Variants in UPF3B observed in about 807,000 individuals in gnomAD.
UPF3B encodes the protein UPF3B regulator of nonsense mediated mRNA decay.
UPF3B carries 7 observed loss-of-function variants against 40.3 expected under a neutral mutation model. That is an observed-to-expected ratio of 0.17 (90% CI 0.10 to 0.33). The LOEUF is 0.33. UPF3B is among the 10% of genes least tolerant of loss of function. The pLI, the probability that UPF3B is intolerant of heterozygous loss-of-function variation, is 1.00. For synonymous variants in UPF3B, 117 were observed against 117.3 expected (o/e 1.00, Z 0.01); for missense variants, 229 against 358.9 (o/e 0.64, Z 2.93).
intron 4 of UPF3B, 105 bp from the exon 5 acceptor site, chrX:119,843,406 T>A: frequency 3.2e-6 from 2 of 616,149 alleles, no homozygotes; most frequent in Non-Finnish European, 5.0e-6. Flanking sequence ...TTTTACTTCG[T>A]GGAAGATTAA....
At chrX:119,812,067 A>G (rs2055831543) in intron 5 of UPF3B, among the ~76,000 whole-genome samples, 1 of 111,686 alleles carries the variant, frequency 9.0e-6, no homozygotes, top group Admixed American at 9.5e-5. Flanking sequence ...CAGCCTGGCC[A>G]ACATGGTGAA....
Position 119,834,799 on chromosome X carries a change from C to T in UPF3B, c.*79G>A. 1.7e-6 allele frequency: 2 copies of T among 1,209,337 alleles called. No homozygotes were observed. The highest frequency in any genetic ancestry group is 2.2e-6 in the Non-Finnish European group (2 of 895,387). On this transcript the variant is annotated 3_prime_UTR_variant, in exon 11 of 11. Coordinates refer to ENST00000276201, the MANE Select transcript of UPF3B (RefSeq NM_080632.3). ...GCTCCCTTTCTCTCTATTCTTTGCC[C>T]TGAAGGCACCTCTGGATTGCTTAAC...
chrX:119,829,633 C>T (rs1447327216), downstream of UPF3B, among the ~76,000 whole-genome samples: 5 of 111,698 alleles, frequency 4.5e-5, no homozygotes, highest in Non-Finnish European at 9.4e-5. Context: ...TGGTTTTTCT[C>T]CTATTCTCTG....
At chrX:119,830,633 A>C (rs1478951843), downstream of UPF3B, among the ~76,000 whole-genome samples, 1 of 110,589 alleles carries the variant, frequency 9.0e-6, no homozygotes, top group Non-Finnish European at 1.9e-5. Context: ...GTGAACCATG[A>C]ATTGATCTTT....
chrX:119,825,950 A>T (rs1395114415), intron 3 of UPF3B, among the ~76,000 whole-genome samples: 1 of 110,092 alleles, frequency 9.1e-6, no homozygotes, highest in Non-Finnish European at 1.9e-5. Flanking sequence ...CTTGAGGTCC[A>T]GAGTTTGAGA....
At chrX:119,851,104 A>T (rs1284769198) in intron 3 of UPF3B, among the ~76,000 whole-genome samples, 1 of 112,630 alleles carries the variant, frequency 8.9e-6, no homozygotes, top group Non-Finnish European at 1.9e-5. Flanking sequence ...CAGTATCCCA[A>T]TTGGGAACTG....
At chrX:119,821,147 C>T (rs1249057471) in intron 4 of UPF3B, among the ~76,000 whole-genome samples, 1 of 110,954 alleles carries the variant, frequency 9.0e-6, no homozygotes, top group Non-Finnish European at 1.9e-5. Context: ...AGTGTGGCAC[C>T]TCCTTCCCAC....
At chrX:119,819,841 CCT>C (rs2055896270) in intron 4 of UPF3B, among the ~76,000 whole-genome samples, 2 of 89,493 alleles carry the variant, frequency 2.2e-5, no homozygotes, top group Non-Finnish European at 4.3e-5. Context: ...TTCTATTTTT[CCT>C]TTTTTTTTTT....
At chrX:119,840,287 G>A (rs2056146211) in intron 8 of UPF3B, among the ~76,000 whole-genome samples, 1 of 111,320 alleles carries the variant, frequency 9.0e-6, no homozygotes, top group South Asian at 3.8e-4. Flanking sequence ...AGATACTACG[G>A]GAGTCATGTG....
intron 4 of UPF3B, among the ~76,000 whole-genome samples, chrX:119,815,523 C>T (rs1232658596): frequency 9.0e-6 from 1 of 111,194 alleles, no homozygotes; most frequent in Non-Finnish European, 1.9e-5. Flanking sequence ...CCTGGTACAA[C>T]TTATTTTTCT....
intron 8 of UPF3B, among the ~76,000 whole-genome samples, chrX:119,838,853 G>A (rs919446862): frequency 3.6e-5 from 4 of 111,403 alleles, no homozygotes; most frequent in South Asian, 3.8e-4. Flanking sequence ...ATGGCTCACC[G>A]CAACCTTGAC....
In UPF3B at chrX:119,836,896, C is replaced by T. The variant is rs752722274; in HGVS notation, c.1302+861G>A. Among the ~76,000 whole-genome samples, 28 of 106,614 alleles carry T rather than the reference C, an allele frequency of 2.6e-4. No homozygotes were observed. In the East Asian group the frequency reaches 7.5e-3, roughly 28 times the overall value. The allele number at this position is 106,614 out of a possible 115,157, so 92.6% of individuals were successfully genotyped here. ...TGATCTCCTGACCTCGTGATCCACC[C>T]GTCTTGGCCTCCCAAAGTGCTGGGA... On this transcript the variant is annotated intron_variant, in intron 10 of 10. Coordinates refer to ENST00000276201, the MANE Select transcript of UPF3B (RefSeq NM_080632.3).
downstream of UPF3B, among the ~76,000 whole-genome samples, chrX:119,830,804 C>T (rs2056028674): frequency 9.0e-6 from 1 of 110,738 alleles, no homozygotes; most frequent in Admixed American, 9.7e-5. Context: ...TTCTATCCTT[C>T]CCTGTACTTG....
intron 3 of UPF3B, among the ~76,000 whole-genome samples, chrX:119,827,306 C>T (rs1403364044): frequency 9.0e-6 from 1 of 111,405 alleles, no homozygotes; most frequent in Non-Finnish European, 1.9e-5. Flanking sequence ...TGGCTAGTAT[C>T]TAGGTGCTGC....
Position 119,837,858 on chromosome X carries a change from G to A in UPF3B, c.1201C>T (p.Arg401Trp), listed in dbSNP as rs375418085. ...CTTTCAGCCTTCTTTCCTTTATCCC[G>A]AAGTGTGTCTTTCTCTTTTTTCATT... is the stretch of plus-strand genomic sequence containing the variant. ...EEMKKEKDTL[R>W]DKGKKAESTE... The change falls in exon 10 of 11, where the codon CGG (arginine) becomes TGG (tryptophan). Residue 401 changes from arginine to tryptophan, a missense_variant. Arg to Trp is a moderately radical substitution (Grantham distance 101). Coordinates refer to ENST00000276201, the MANE Select transcript of UPF3B (RefSeq NM_080632.3). 6.9e-5 allele frequency: 83 copies of A among 1,208,342 alleles called. No homozygotes were observed. The highest frequency in any genetic ancestry group is 3.7e-4 in the Admixed American group (17 of 45,504).
chrX:119,835,526 T>C (rs1453953832), intron 10 of UPF3B, among the ~76,000 whole-genome samples: 4 of 112,067 alleles, frequency 3.6e-5, no homozygotes, highest in African/African-American at 9.7e-5. Flanking sequence ...TGAGCCATCA[T>C]GCCAGGCCCT....
chrX:119,851,764 T>TTTTTTTTTTA lies in UPF3B; in HGVS notation c.263+2_263+3insTAAAAAAAAA. Reference sequence around the variant, plus strand: ...ACCCCTTTCCTTTTTTTTTTTTTTTTACCTCGTATCATTAGAAAAAAACTC... The same window carrying TTTTTTTTTTA: ...ACCCCTTTCCTTTTTTTTTTTTTTTTTTTTTTTTTAACCTCGTATCATTAGAAAAAAACTC... On this transcript the variant is annotated splice_region_variant and intron_variant, in intron 2 of 10. Coordinates refer to ENST00000276201, the MANE Select transcript of UPF3B (RefSeq NM_080632.3). The TTTTTTTTTTA allele has an allele frequency of 2.1e-6, 2 of 968,484 alleles. No homozygotes were observed. The highest frequency in any genetic ancestry group is 2.8e-6 in the Non-Finnish European group (2 of 710,203). 79.8% of individuals were successfully genotyped at this position (968,484 alleles called of 1,213,427 possible).
At chrX:119,825,058 C>T (rs774490028) in intron 3 of UPF3B, among the ~76,000 whole-genome samples, 27 of 111,304 alleles carry the variant, frequency 2.4e-4, no homozygotes, top group African/African-American at 5.9e-4. Flanking sequence ...TGAGTCACTG[C>T]GCCCAGCCGT....
intron 3 of UPF3B, among the ~76,000 whole-genome samples, chrX:119,826,951 G>A (rs1028563185): frequency 8.9e-6 from 1 of 112,068 alleles, no homozygotes; most frequent in Non-Finnish European, 1.9e-5. Context: ...CTTTCTGGAG[G>A]ACCAGAAAAT....
Sources: gnomAD v4.1 joint callset for allele counts (sites outside exome capture counted in the v4.1 genomes callset) on GRCh38, gnomAD v4.1.1 for gene constraint, MANE v1.5 for transcripts, NCBI Gene and HGNC (gene_info 2026-07-23, HGNC 2026-07-21) for gene names.